DLC1: variants seen among roughly 807,000 people sequenced by gnomAD.
The protein encoded by DLC1 is rho GTPase-activating protein 7.
A neutral mutation model predicts 140.3 loss-of-function variants in DLC1; 54 were observed. That is an observed-to-expected ratio of 0.38 (90% CI 0.31 to 0.48). DLC1 has a LOEUF of 0.48. Ranked by LOEUF, DLC1 falls within the 20% of genes least tolerant of loss-of-function variation. The probability of loss-of-function intolerance (pLI) is 0.96; values close to 1 mark genes in which losing one functional copy is unlikely to be tolerated. For synonymous variants in DLC1, 986 were observed against 728.1 expected, an observed-to-expected ratio of 1.35 and a Z score of -5.70; for missense variants, 2,536 against 1,907.0, an observed-to-expected ratio of 1.33 and a Z score of -6.14.
chr8:13,529,148 G>A (rs1803015685), intron 1 of DLC1, among the ~76,000 whole-genome samples: 1 of 152,048 alleles, frequency 6.6e-6, no homozygotes, highest in Non-Finnish European at 1.5e-5. Flanking sequence ...AAAATAAAAT[G>A]GGCCAAATAG....
chr8:13,457,881 T>C (rs1433317858), intron 2 of DLC1, among the ~76,000 whole-genome samples: 2 of 152,080 alleles, frequency 1.3e-5, no homozygotes, highest in Non-Finnish European at 1.5e-5. Flanking sequence ...CTCTGTATTA[T>C]GGTAGTGTGG....
chr8:13,589,822 A>T (rs925270963), intron 1 of DLC1, among the ~76,000 whole-genome samples: 3 of 151,812 alleles, frequency 2.0e-5, no homozygotes, highest in Non-Finnish European at 4.4e-5. Context: ...AGATATTTTA[A>T]TAATCAAGAA....
chr8:13,221,271 G>A (rs528196434), intron 5 of DLC1, among the ~76,000 whole-genome samples: 1 of 152,186 alleles, frequency 6.6e-6, no homozygotes, highest in South Asian at 2.1e-4. Flanking sequence ...GAGACATCTA[G>A]ATTGGGAAGA....
At chr8:13,434,738 G>T (rs1053727550) in intron 2 of DLC1, among the ~76,000 whole-genome samples, 6 of 152,146 alleles carry the variant, frequency 3.9e-5, no homozygotes, top group Admixed American at 3.3e-4. Context: ...GAGTGCACTT[G>T]CAGTCTCGTG....
intron 5 of DLC1, among the ~76,000 whole-genome samples, chr8:13,145,781 A>G (rs1180035634): frequency 1.3e-5 from 2 of 152,234 alleles, no homozygotes; most frequent in Non-Finnish European, 2.9e-5. Context: ...AAGAGCTTAC[A>G]TAATTTTCAA....
chr8:13,396,162 C>T (rs1837035339), intron 3 of DLC1, among the ~76,000 whole-genome samples: 1 of 150,638 alleles, frequency 6.6e-6, no homozygotes, highest in African/African-American at 2.4e-5. Context: ...TGGGTTCACA[C>T]CATTCTCCTG....
intron 2 of DLC1, among the ~76,000 whole-genome samples, chr8:13,468,927 T>G (rs965822322): frequency 1.1e-4 from 16 of 150,134 alleles, no homozygotes; most frequent in African/African-American, 3.9e-4. Flanking sequence ...TTCAAGTGAT[T>G]CTCCTGCCTC....
At chr8:13,104,761 A>C (rs2128941514) in intron 7 of DLC1, among the ~76,000 whole-genome samples, 1 of 152,350 alleles carries the variant, frequency 6.6e-6, no homozygotes, top group African/African-American at 2.4e-5. Flanking sequence ...TTCATACCTT[A>C]GGTGGTAGCC....
At chr8:13,173,853 A>G (rs1362914507) in intron 5 of DLC1, among the ~76,000 whole-genome samples, 4 of 152,048 alleles carry the variant, frequency 2.6e-5, no homozygotes, top group African/African-American at 9.7e-5. Flanking sequence ...TCCATTTTTT[A>G]TTTTTTAAAT....
intron 1 of DLC1, chr8:13,567,987 T>C (rs1402320616): frequency 6.7e-7 from 1 of 1,482,270 alleles, no homozygotes. Context: ...TTTGAGTAAT[T>C]ACCATAATTT....
intron 4 of DLC1, among the ~76,000 whole-genome samples, chr8:13,363,992 T>A (rs1835364677): frequency 6.6e-6 from 1 of 152,200 alleles, no homozygotes; most frequent in African/African-American, 2.4e-5. Context: ...TTTCTTTGTT[T>A]GTTATAACTT....
At chr8:13,443,343 TAAAAAAAAA>T (rs58765529) in intron 2 of DLC1, among the ~76,000 whole-genome samples, 1 of 123,240 alleles carries the variant, frequency 8.1e-6, no homozygotes. Context: ...CCCTAAAACT[TAAAAAAAAA>T]AAAAAAAAAA....
chr8:13,345,757 C>A (rs1834306840), intron 4 of DLC1, among the ~76,000 whole-genome samples: 1 of 151,804 alleles, frequency 6.6e-6, no homozygotes, highest in Non-Finnish European at 1.5e-5. Context: ...TGGGGTTTCA[C>A]CATGTTGGCC....
chr8:13,219,255 G>A (rs1828414748), intron 5 of DLC1, among the ~76,000 whole-genome samples: 1 of 134,466 alleles, frequency 7.4e-6, no homozygotes. Flanking sequence ...TCTTGAATAT[G>A]AATATAACTA....
At chr8:13,154,557 C>T (rs973907162) in intron 5 of DLC1, among the ~76,000 whole-genome samples, 10 of 152,320 alleles carry the variant, frequency 6.6e-5, no homozygotes, top group Admixed American at 1.3e-4. Flanking sequence ...AGTGCGCAGC[C>T]CCGGTTCCTG....
intron 1 of DLC1, among the ~76,000 whole-genome samples, chr8:13,532,997 A>T (rs1182039587): frequency 6.6e-6 from 1 of 152,194 alleles, no homozygotes; most frequent in African/African-American, 2.4e-5. Flanking sequence ...TGATAGCATA[A>T]CCCAATTAAA....
chr8:13,103,431 T>C (rs1277119208), intron 7 of DLC1, among the ~76,000 whole-genome samples: 1 of 152,198 alleles, frequency 6.6e-6, no homozygotes, highest in Non-Finnish European at 1.5e-5. Context: ...GCTATGATAC[T>C]GTCAAGTCTC....
intron 1 of DLC1, among the ~76,000 whole-genome samples, chr8:13,527,365 C>A (rs1035010229): frequency 6.6e-6 from 1 of 151,968 alleles, no homozygotes; most frequent in Non-Finnish European, 1.5e-5. Context: ...GCTTTTTTGT[C>A]TTTTCTAGTT....
intron 4 of DLC1, among the ~76,000 whole-genome samples, chr8:13,319,369 A>G (rs1415409773): frequency 6.6e-6 from 1 of 150,966 alleles, no homozygotes; most frequent in Admixed American, 6.6e-5. Context: ...TTCCATTATC[A>G]TCTGTTTCTT....
Sources: allele counts gnomAD v4.1 joint callset (sites outside exome capture counted in the v4.1 genomes callset), GRCh38; gene constraint gnomAD v4.1.1; transcripts MANE v1.5; gene names NCBI Gene and HGNC (gene_info 2026-07-23, HGNC 2026-07-21).